Variants in TTC8 observed in about 807,000 individuals in gnomAD.
The protein encoded by TTC8 is tetratricopeptide repeat domain 8.
Under a neutral mutation model 72.5 loss-of-function variants are expected in TTC8, and 47 were observed. The ratio of observed to expected loss-of-function variants is 0.65; its 90% CI spans 0.51 to 0.83. TTC8 has a LOEUF of 0.83. Ranked by LOEUF, TTC8 falls within the 40% of genes least tolerant of loss-of-function variation. The pLI, the probability that TTC8 is intolerant of heterozygous loss-of-function variation, is 0.00. For synonymous variants in TTC8, 199 were observed against 221.4 expected (o/e 0.90, Z 0.90); for missense variants, 611 against 623.2 (o/e 0.98, Z 0.21).
In TTC8 at chr14:88,840,957, C is replaced by T. The variant is rs369488321; in HGVS notation, c.329+29C>T. ...TGTACTTCTGCTTCATAACCTCTGC[C>T]ACTAAATATTGATCAGACTGTATGA... On this transcript the variant is annotated intron_variant, in intron 4 of 14. Transcript: ENST00000380656. The T allele has an allele frequency of 2.3e-5, 37 of 1,613,746 alleles. No individual in the cohort carries two copies. The African/African-American group carries it at 4.8e-4, about 21-fold the overall frequency.
intron 2 of TTC8, 35 bp from the exon 3 acceptor site, chr14:88,839,416 AT>A: frequency 6.2e-7 from 1 of 1,607,224 alleles, no homozygotes; most frequent in Non-Finnish European, 8.5e-7. Context: ...TTCTAATGCT[AT>A]TTTAATATAT....
At chr14:88,867,632 A>C (rs1488772828) in intron 10 of TTC8, among the ~76,000 whole-genome samples, 1 of 152,204 alleles carries the variant, frequency 6.6e-6, no homozygotes, top group African/African-American at 2.4e-5. Context: ...ATATTTTATA[A>C]GTTTATAAAA....
Position 88,840,946 on chromosome 14 carries a change from A to C in TTC8, c.329+18A>C. On this transcript the variant is annotated intron_variant, in intron 4 of 14. Coordinates refer to ENST00000380656, the MANE Select transcript of TTC8 (RefSeq NM_144596.4). The stretch of plus-strand genomic sequence containing the variant: ...GCCGTTAGGTATGTACTTCTGCTTC[A>C]TAACCTCTGCCACTAAATATTGATC... 2 of 1,614,138 alleles carry C rather than the reference A, an allele frequency of 1.2e-6. No homozygotes were observed. The highest frequency in any genetic ancestry group is 1.7e-6 in the Non-Finnish European group (2 of 1,179,978).
intron 9 of TTC8, among the ~76,000 whole-genome samples, chr14:88,858,328 A>C (rs2094866931): frequency 6.6e-6 from 1 of 152,124 alleles, no homozygotes; most frequent in African/African-American, 2.4e-5. Context: ...AAAGAAAAAC[A>C]CAAGTGGTGG....
In TTC8 at chr14:88,824,748, A is replaced by G. The variant is rs757819559; in HGVS notation, c.41A>G (p.Tyr14Cys). Residue 14 changes from tyrosine to cysteine, a missense_variant, in exon 1 of 15, where the codon TAT becomes TGT. Transcript: ENST00000380656. ...EMEPLLLAWS[Y>C]FRRRKFQLCA... ...GAGCCGCTGCTCCTGGCCTGGAGCTATTTTAGGCGCAGGAAGTTCCAGCTC... is the reference window on the plus strand; with the variant it reads ...GAGCCGCTGCTCCTGGCCTGGAGCTGTTTTAGGCGCAGGAAGTTCCAGCTC... 6.2e-7 allele frequency: 1 copy of G among 1,612,700 alleles called. No individual in the cohort carries two copies. The highest frequency in any genetic ancestry group is 8.5e-7 in the Non-Finnish European group (1 of 1,179,518).
intron 2 of TTC8, among the ~76,000 whole-genome samples, chr14:88,835,084 T>C (rs2094744441): frequency 6.6e-6 from 1 of 152,222 alleles, no homozygotes; most frequent in Admixed American, 6.5e-5. Flanking sequence ...CAGTATCTTG[T>C]GCCTAAGTTT....
intron 2 of TTC8, among the ~76,000 whole-genome samples, chr14:88,835,201 A>C (rs1349198615): frequency 6.6e-6 from 1 of 152,166 alleles, no homozygotes; most frequent in African/African-American, 2.4e-5. Flanking sequence ...AATAACCTAA[A>C]ATTGTTTCTT....
intron 7 of TTC8, among the ~76,000 whole-genome samples, chr14:88,847,339 T>C (rs986879335): frequency 1.2e-4 from 18 of 152,140 alleles, no homozygotes; most frequent in Admixed American, 8.5e-4. Context: ...GGAGGTGTGT[T>C]ACCTGTCTCA....
At chr14:88,862,563 T>TC (rs1246692096) in intron 10 of TTC8, among the ~76,000 whole-genome samples, 3 of 50,952 alleles carry the variant, frequency 5.9e-5, no homozygotes, top group African/African-American at 8.9e-5. Context: ...TATATATATA[T>TC]ATATATATAT....
chr14:88,829,680 GT>G (rs1156726988), intron 1 of TTC8, among the ~76,000 whole-genome samples: 4 of 152,140 alleles, frequency 2.6e-5, no homozygotes, highest in Non-Finnish European at 4.4e-5. Context: ...TTACATTCTC[GT>G]TTTGCCCCAA....
At chr14:88,840,835 A>G (rs371885838) in intron 3 of TTC8, 30 bp from the exon 4 acceptor site, 2 of 1,606,818 alleles carry the variant, frequency 1.2e-6, no homozygotes, top group Non-Finnish European at 1.7e-6. Context: ...TAGATAATAT[A>G]TAAATTGTAT....
intron 7 of TTC8, among the ~76,000 whole-genome samples, chr14:88,845,225 A>G (rs760456180): frequency 2.6e-5 from 4 of 152,192 alleles, no homozygotes; most frequent in Non-Finnish European, 4.4e-5. Context: ...ACTTGATGAT[A>G]GATTTGATGC....
chr14:88,872,127 G>A (rs1035934365), intron 12 of TTC8, among the ~76,000 whole-genome samples: 6 of 152,124 alleles, frequency 3.9e-5, no homozygotes, highest in South Asian at 4.1e-4. Context: ...GTAGTCTTAC[G>A]GGGCAATTTA....
chr14:88,860,979 T>C (rs1045120085), intron 9 of TTC8, among the ~76,000 whole-genome samples: 5 of 152,022 alleles, frequency 3.3e-5, no homozygotes, highest in Non-Finnish European at 1.5e-5. Flanking sequence ...AATTTTTGTA[T>C]TTTTTGTAGA....
intron 2 of TTC8, chr14:88,836,879 G>A (rs2094754313): frequency 1.1e-5 from 2 of 174,194 alleles, no homozygotes; most frequent in South Asian, 9.1e-5. Context: ...AACCAACATG[G>A]TGAAACCCCA....
rs79106813 is a variant in TTC8, at chr14:88,871,152, G to C, written c.1050-397G>C. On this transcript the variant is annotated intron_variant, in intron 11 of 14. Coordinates refer to ENST00000380656, the MANE Select transcript of TTC8 (RefSeq NM_144596.4). This position sits in a 1 kb window ranked among gnomAD's most constrained non-coding sequence, Gnocchi z 4.1. ...AAACGGGATCCAGTCAGCTGAAAAC[G>C]TAGAGGTTAATGCTAAACGCAGTCC... 1.3e-5 allele frequency among the ~76,000 whole-genome samples: 2 copies of C among 152,186 alleles called. No homozygotes were observed. Among genetic ancestry groups the C allele is most frequent in the Non-Finnish European group, 2.9e-5 (2 of 68,034 alleles).
chr14:88,824,488 A>G, upstream of TTC8: 2 of 576,250 alleles, frequency 3.5e-6, no homozygotes, highest in South Asian at 4.2e-5. Flanking sequence ...GTAGCCTTTA[A>G]AAGTAGACAT....
intron 10 of TTC8, among the ~76,000 whole-genome samples, chr14:88,868,456 A>AT (rs1232256666): frequency 2.0e-5 from 3 of 152,208 alleles, no homozygotes; most frequent in Non-Finnish European, 4.4e-5. Context: ...AGCTAAGAAC[A>AT]TTTTTTAGAG....
chr14:88,877,236 T>C (rs1307347435), intron 14 of TTC8, 58 bp from the exon 15 acceptor site: 10 of 1,313,392 alleles, frequency 7.6e-6, no homozygotes, highest in Non-Finnish European at 7.7e-6. Flanking sequence ...TCTTTTTTAC[T>C]TCCTTACTCA....
Sources: allele counts gnomAD v4.1 joint callset (sites outside exome capture counted in the v4.1 genomes callset), GRCh38; gene constraint gnomAD v4.1.1; non-coding constraint Gnocchi (gnomAD v3.1); transcripts MANE v1.5; gene names NCBI Gene and HGNC (gene_info 2026-07-23, HGNC 2026-07-21).